FAR1: variants seen among roughly 807,000 people sequenced by gnomAD.
FAR1 encodes the protein fatty acyl-CoA reductase 1.
In FAR1, 22 loss-of-function variants were observed where a neutral mutation model predicts 61.1. That is an observed-to-expected ratio of 0.36 (90% CI 0.26 to 0.51). The LOEUF is 0.51. FAR1 is among the 20% of genes least tolerant of loss of function. FAR1 has a pLI of 0.95. For missense variants in FAR1, 359 were observed against 626.9 expected (o/e 0.57, Z 4.56); for synonymous variants, 206 against 209.7 (o/e 0.98, Z 0.15).
intron 11 of FAR1, 105 bp from the exon 12 acceptor site, chr11:13,728,507 T>C: frequency 9.7e-7 from 1 of 1,030,556 alleles, no homozygotes; most frequent in Non-Finnish European, 1.4e-6. Flanking sequence ...TTCAAATTAA[T>C]ATGGATTTGA....
chr11:13,689,961 CG>C lies in FAR1; in HGVS notation c.-7-4797del, dbSNP rs567426552. ...CACGGTCTTGGCTCACTGCAACCTCCGTATCCCGGGCTCAAGCAATTCTCCT... is the reference window on the plus strand; with the variant it reads ...CACGGTCTTGGCTCACTGCAACCTCCTATCCCGGGCTCAAGCAATTCTCCT... On this transcript the variant is annotated intron_variant, in intron 1 of 11. Coordinates refer to ENST00000354817, the MANE Select transcript of FAR1 (RefSeq NM_032228.6). 3.6e-3 allele frequency among the ~76,000 whole-genome samples: 551 copies of C among 151,524 alleles called. 6 individuals are homozygous for C. Among genetic ancestry groups the C allele is most frequent in the African/African-American group, 0.013 (521 of 41,270 alleles).
At chr11:13,669,051 G>A (rs1397645720) in intron 1 of FAR1, among the ~76,000 whole-genome samples, 1 of 152,292 alleles carries the variant, frequency 6.6e-6, no homozygotes, top group East Asian at 1.9e-4. Flanking sequence ...GGGGACGTAC[G>A]GTGGGGCCTG....
intron 1 of FAR1, among the ~76,000 whole-genome samples, chr11:13,679,708 G>C (rs181806681): frequency 3.1e-3 from 479 of 152,294 alleles, no homozygotes; most frequent in Admixed American, 0.01. Context: ...TCATAGAGTA[G>C]AATTTGACTT....
At chr11:13,715,598 AT>A (rs1848546872) in intron 9 of FAR1, among the ~76,000 whole-genome samples, 1 of 152,146 alleles carries the variant, frequency 6.6e-6, no homozygotes, top group South Asian at 2.1e-4. Context: ...TTGACTAATT[AT>A]CCAGGTTGGG....
At chr11:13,674,075 G>C (rs1258007673) in intron 1 of FAR1, among the ~76,000 whole-genome samples, 1 of 152,146 alleles carries the variant, frequency 6.6e-6, no homozygotes, top group Non-Finnish European at 1.5e-5. Flanking sequence ...ACTTTGGGAG[G>C]CCGAGGTGGG....
chr11:13,669,919 A>G (rs1256995411), intron 1 of FAR1, among the ~76,000 whole-genome samples: 2 of 152,220 alleles, frequency 1.3e-5, no homozygotes, highest in African/African-American at 4.8e-5. Flanking sequence ...ACAACATCAG[A>G]AGATACTCTC....
intron 1 of FAR1, among the ~76,000 whole-genome samples, chr11:13,673,276 G>GC (rs912685660): frequency 1.3e-5 from 2 of 152,160 alleles, no homozygotes; most frequent in Non-Finnish European, 2.9e-5. Context: ...ATTTCACTTA[G>GC]CCCATAGGGA....
chr11:13,697,915 G>C (rs1184091945), intron 2 of FAR1, among the ~76,000 whole-genome samples: 1 of 152,076 alleles, frequency 6.6e-6, no homozygotes, highest in Non-Finnish European at 1.5e-5. Context: ...TGTTTTATGT[G>C]AGATGAATGG....
In FAR1 at chr11:13,728,866, A is replaced by G; in HGVS notation, c.*92A>G. ...ATAAGTCATCTCACTTTTTGTCAAG[A>G]CATTAAACCATCTTAGATCGGAGTG... On this transcript the variant is annotated 3_prime_UTR_variant, in exon 12 of 12. Transcript: ENST00000354817. The G allele has an allele frequency of 1.7e-6, 2 of 1,176,380 alleles. No individual in the cohort carries two copies. Among genetic ancestry groups the G allele is most frequent in the Non-Finnish European group, 2.4e-6 (2 of 827,138 alleles). 72.9% of individuals were successfully genotyped at this position (1,176,380 alleles called of 1,614,324 possible).
intron 10 of FAR1, among the ~76,000 whole-genome samples, chr11:13,724,667 TG>T (rs1848651401): frequency 6.6e-6 from 1 of 152,200 alleles, no homozygotes; most frequent in African/African-American, 2.4e-5. Context: ...ATTTTCATAA[TG>T]TTTTATTTAA....
intron 1 of FAR1, among the ~76,000 whole-genome samples, chr11:13,679,279 T>C (rs1431811009): frequency 1.3e-5 from 2 of 152,156 alleles, no homozygotes; most frequent in African/African-American, 4.8e-5. Flanking sequence ...ATGAAAACAT[T>C]ATTATTAAGG....
intron 1 of FAR1, chr11:13,686,676 T>C (rs1011707591): frequency 6.6e-6 from 1 of 151,270 alleles, no homozygotes; most frequent in Non-Finnish European, 1.5e-5. Flanking sequence ...TTTCTGATTA[T>C]TGGAATACTC....
At chr11:13,669,580 A>G (rs1847971873) in intron 1 of FAR1, 1 of 152,234 alleles carries the variant, frequency 6.6e-6, no homozygotes, top group South Asian at 2.1e-4. Flanking sequence ...TGAATCTTTT[A>G]TGAGTAGTTG....
At chr11:13,706,704 G>T (rs1848437019) in intron 3 of FAR1, among the ~76,000 whole-genome samples, 1 of 152,044 alleles carries the variant, frequency 6.6e-6, no homozygotes, top group African/African-American at 2.4e-5. Flanking sequence ...TTGTACAATA[G>T]ATCTCTTGGT....
chr11:13,708,447 G>GCGCGCGCACACACACACACA (rs139902063), intron 4 of FAR1, among the ~76,000 whole-genome samples: 9 of 136,728 alleles, frequency 6.6e-5, no homozygotes, highest in African/African-American at 1.9e-4. Flanking sequence ...GCGCGCGCGC[G>GCGCGCGCACACACACACACA]CACACACACA....
chr11:13,724,925 C>T (rs908184830), intron 10 of FAR1, among the ~76,000 whole-genome samples: 1 of 152,118 alleles, frequency 6.6e-6, no homozygotes, highest in Non-Finnish European at 1.5e-5. Flanking sequence ...TACAAATTAC[C>T]CATTCTCAGG....
At chr11:13,718,636 T>G (rs931169127) in intron 9 of FAR1, among the ~76,000 whole-genome samples, 6 of 152,234 alleles carry the variant, frequency 3.9e-5, no homozygotes, top group African/African-American at 1.4e-4. Context: ...GTGTTGAGAT[T>G]TGTTAATCTG....
At chr11:13,684,882 T>C (rs1848169385) in intron 1 of FAR1, among the ~76,000 whole-genome samples, 1 of 152,232 alleles carries the variant, frequency 6.6e-6, no homozygotes, top group African/African-American at 2.4e-5. Context: ...ATTACCTTGG[T>C]ATAGGAATTT....
At chr11:13,678,969 A>C (rs1485625723) in intron 1 of FAR1, among the ~76,000 whole-genome samples, 1 of 152,206 alleles carries the variant, frequency 6.6e-6, no homozygotes, top group African/African-American at 2.4e-5. Flanking sequence ...ACCTTTGTTA[A>C]TCTTGGGCGA....
Sources: allele counts gnomAD v4.1 joint callset (sites outside exome capture counted in the v4.1 genomes callset), GRCh38; gene constraint gnomAD v4.1.1; transcripts MANE v1.5; gene names NCBI Gene and HGNC (gene_info 2026-07-23, HGNC 2026-07-21).